Variants in PLCB4 observed in about 807,000 individuals in gnomAD.
PLCB4 encodes 1-phosphatidylinositol 4,5-bisphosphate phosphodiesterase beta-4.
PLCB4 carries 77 observed loss-of-function variants against 178.8 expected under a neutral mutation model. The ratio of observed to expected loss-of-function variants is 0.43; its 90% CI spans 0.36 to 0.52. PLCB4 has a LOEUF of 0.52. PLCB4 is among the 20% of genes least tolerant of loss of function. PLCB4 has a pLI of 0.00. For missense variants in PLCB4, 1,024 were observed against 1,453.4 expected, an observed-to-expected ratio of 0.70 and a Z score of 4.80; for synonymous variants, 496 against 490.8, an observed-to-expected ratio of 1.01 and a Z score of -0.14.
intron 2 of PLCB4, among the ~76,000 whole-genome samples, chr20:9,215,133 CCACCTAATTATTCAG>C (rs1419227449): frequency 6.6e-6 from 1 of 152,120 alleles, no homozygotes; most frequent in East Asian, 1.9e-4. Flanking sequence ...TGTAGGTAGG[CCACCTAATTATTCAG>C]CATTCAACAA....
chr20:9,476,573 G>T (rs1234804148), intron 38 of PLCB4, 144 bp from the exon 39 acceptor site: 1 of 565,088 alleles, frequency 1.8e-6, no homozygotes, highest in East Asian at 3.0e-5. Context: ...TGTCACTGAG[G>T]GGTGTGTACA....
chr20:9,136,834 G>A (rs2092394117), intron 2 of PLCB4, among the ~76,000 whole-genome samples: 1 of 152,046 alleles, frequency 6.6e-6, no homozygotes, highest in African/African-American at 2.4e-5. Context: ...TATTCTGTTT[G>A]CCCCTTGAGA....
chr20:9,326,660 A>G (rs1284372711), intron 4 of PLCB4, among the ~76,000 whole-genome samples: 4 of 152,050 alleles, frequency 2.6e-5, no homozygotes, highest in African/African-American at 9.7e-5. Flanking sequence ...CCCAACATGC[A>G]CTTGAAAATA....
chr20:9,133,309 C>T (rs1015486270), intron 2 of PLCB4, among the ~76,000 whole-genome samples: 9 of 152,158 alleles, frequency 5.9e-5, no homozygotes, highest in African/African-American at 1.7e-4. Flanking sequence ...GCTCTGTCAC[C>T]CAGGCTGGAG....
chr20:9,164,027 T>C (rs932373506), intron 2 of PLCB4, among the ~76,000 whole-genome samples: 18 of 152,370 alleles, frequency 1.2e-4, no homozygotes, highest in African/African-American at 4.3e-4. Context: ...GCAGTGGTTA[T>C]AATTAATACA....
chr20:9,185,651 C>A (rs2093318929), intron 2 of PLCB4, among the ~76,000 whole-genome samples: 1 of 152,218 alleles, frequency 6.6e-6, no homozygotes, highest in Admixed American at 6.5e-5. Context: ...GGGTCCTCAT[C>A]TGACTCCGAG....
Position 9,323,644 on chromosome 20 carries a change from G to A in PLCB4, c.85-13482G>A, listed in dbSNP as rs542509043. 8.5e-5 allele frequency among the ~76,000 whole-genome samples: 13 copies of A among 152,332 alleles called. No homozygotes were observed. In the South Asian group the frequency reaches 2.7e-3, roughly 32 times the overall value. ...AAAGGTTAAGCCAGAGACACTATCT[G>A]TGGCAGCTATGGAGGTGTGTCGCTT... On this transcript the variant is annotated intron_variant, in intron 4 of 39. Coordinates refer to ENST00000378473, the MANE Select transcript of PLCB4 (RefSeq NM_001377142.1).
chr20:9,453,109 T>C (rs2042864939), intron 32 of PLCB4, among the ~76,000 whole-genome samples: 1 of 152,010 alleles, frequency 6.6e-6, no homozygotes, highest in Non-Finnish European at 1.5e-5. Flanking sequence ...TGAGCAGGAG[T>C]GCATTTGAAC....
intron 10 of PLCB4, 27 bp downstream of exon 10, chr20:9,371,322 C>A (rs756906047): frequency 1.0e-5 from 13 of 1,246,752 alleles, no homozygotes; most frequent in Middle Eastern, 1.9e-4. Context: ...TAATGTATTT[C>A]TAAAACCATT....
Position 9,435,672 on chromosome 20 carries a change from G to T in PLCB4, c.2613+24G>T, listed in dbSNP as rs756495126. 1.6e-5 allele frequency: 22 copies of T among 1,358,760 alleles called. 1 individual carries two copies. In the East Asian group the frequency reaches 4.6e-4, roughly 28 times the overall value. The allele number at this position is 1,358,760 out of a possible 1,614,324, so 84.2% of individuals were successfully genotyped here. A position where few individuals can be genotyped will look rare whatever the true frequency, so the allele number is the denominator to read the frequency against. On this transcript the variant is annotated intron_variant, in intron 29 of 39. Coordinates refer to ENST00000378473, the MANE Select transcript of PLCB4 (RefSeq NM_001377142.1). Reference sequence around the variant, plus strand: ...CTGTAAGTAGAAATGGTTGATTAAAGGTGGCCAAGTTGTGGGAGTTTGATT... The same window carrying T: ...CTGTAAGTAGAAATGGTTGATTAAATGTGGCCAAGTTGTGGGAGTTTGATT...
chr20:9,394,792 A>G (rs1294608903), intron 18 of PLCB4, among the ~76,000 whole-genome samples: 1 of 152,158 alleles, frequency 6.6e-6, no homozygotes, highest in Admixed American at 6.5e-5. Context: ...CTTTTAGGAA[A>G]GTTCTACCAC....
chr20:9,478,729 G>A (rs889032772), intron 39 of PLCB4, among the ~76,000 whole-genome samples, 192 bp from the exon 40 acceptor site: 9 of 152,048 alleles, frequency 5.9e-5, no homozygotes, highest in African/African-American at 1.9e-4. Flanking sequence ...CAATAGATCT[G>A]GGGTAGACTC....
intron 2 of PLCB4, among the ~76,000 whole-genome samples, chr20:9,136,953 T>C (rs1016569854): frequency 6.8e-4 from 104 of 152,078 alleles, no homozygotes; most frequent in African/African-American, 2.4e-3. Flanking sequence ...AGTGGGAGCT[T>C]CTAGAGGAGA....
At chr20:9,318,077 G>C (rs2094919601) in intron 4 of PLCB4, among the ~76,000 whole-genome samples, 1 of 151,954 alleles carries the variant, frequency 6.6e-6, no homozygotes, top group South Asian at 2.1e-4. Flanking sequence ...TTGAACCCTG[G>C]GACACAGATT....
chr20:9,285,356 G>A (rs1351406925), intron 3 of PLCB4, among the ~76,000 whole-genome samples: 1 of 151,810 alleles, frequency 6.6e-6, no homozygotes, highest in Non-Finnish European at 1.5e-5. Flanking sequence ...GCATTGTTTA[G>A]TCAAAGAAAA....
chr20:9,287,521 T>C (rs1446214270), intron 3 of PLCB4, among the ~76,000 whole-genome samples: 1 of 152,050 alleles, frequency 6.6e-6, no homozygotes, highest in Admixed American at 6.6e-5. Context: ...AAGCAATGAT[T>C]CCATTTTCTT....
chr20:9,104,391 A>G (rs2091287846), intron 2 of PLCB4, among the ~76,000 whole-genome samples: 2 of 152,142 alleles, frequency 1.3e-5, no homozygotes, highest in South Asian at 4.1e-4. Context: ...GCAGCCACAA[A>G]GCCTAAGTTC....
At chr20:9,367,691 T>G (rs1415348847) in intron 9 of PLCB4, among the ~76,000 whole-genome samples, 1 of 152,244 alleles carries the variant, frequency 6.6e-6, no homozygotes, top group Non-Finnish European at 1.5e-5. Flanking sequence ...ACATAGATTG[T>G]GATCAAAGCA....
intron 3 of PLCB4, among the ~76,000 whole-genome samples, chr20:9,221,018 G>C (rs569090895): frequency 6.6e-6 from 1 of 152,140 alleles, no homozygotes; most frequent in Non-Finnish European, 1.5e-5. Context: ...GCCAAGAGTC[G>C]TGAGATGAGC....
Sources: allele counts gnomAD v4.1 joint callset (sites outside exome capture counted in the v4.1 genomes callset), GRCh38; gene constraint gnomAD v4.1.1; transcripts MANE v1.5; gene names NCBI Gene and HGNC (gene_info 2026-07-23, HGNC 2026-07-21).